Variants in COL15A1 observed in about 807,000 individuals in gnomAD.
The protein encoded by COL15A1 is collagen alpha-1(XV) chain.
In COL15A1, 111 loss-of-function variants were observed where a neutral mutation model predicts 165.9. The observed-to-expected ratio is 0.67, with a 90% CI of 0.57 to 0.78. The LOEUF is 0.78. COL15A1 is among the 30% of genes least tolerant of loss of function. The pLI is 0.00. For missense variants in COL15A1, 1,745 were observed against 1,789.7 expected (o/e 0.98, Z 0.45); for synonymous variants, 659 against 674.8 (o/e 0.98, Z 0.36).
chr9:98,986,039 A>G lies in COL15A1; in HGVS notation c.575A>G (p.Gln192Arg). The change falls in exon 3 of 42, where the codon CAG becomes CGG. Residue 192 changes from glutamine (Q) to arginine (R), a missense_variant. Physicochemically the swap from Gln to Arg is conservative, Grantham distance 43 (BLOSUM62 1). Coordinates refer to ENST00000375001, the MANE Select transcript of COL15A1 (RefSeq NM_001855.5). Reference sequence around the variant, plus strand: ...CGCATCCCCTTCCAGCGGTCCTCCCAGGCTTTGGCTTTTGAGTCCAGCGCT... The same window carrying G: ...CGCATCCCCTTCCAGCGGTCCTCCCGGGCTTTGGCTTTTGAGTCCAGCGCT... ...HSRIPFQRSS[Q>R]ALAFESSAGI... 6.2e-7 allele frequency: 1 copy of G among 1,614,066 alleles called. No individual in the cohort carries two copies. The highest frequency in any genetic ancestry group is 1.3e-5 in the African/African-American group (1 of 75,028).
At chr9:99,050,724 C>G (rs566926413) in intron 30 of COL15A1, among the ~76,000 whole-genome samples, 2 of 152,216 alleles carry the variant, frequency 1.3e-5, no homozygotes, top group African/African-American at 4.8e-5. Flanking sequence ...GTGAACTAGA[C>G]GGATGTGGCC....
At position 99,013,984 on chromosome 9, in the gene COL15A1, C is replaced by T. The variant is rs1186459165; in HGVS notation, c.1354-1433C>T. On this transcript the variant is annotated intron_variant, in intron 9 of 41. Coordinates refer to ENST00000375001, the MANE Select transcript of COL15A1 (RefSeq NM_001855.5). ...AAACGTGCATGTTGTGTTTTTTTTT[C>T]CCCTCTCTTGCAGCTGTGAGAAATT... is the stretch of plus-strand genomic sequence containing the variant. Among the ~76,000 whole-genome samples, 16 of 148,012 alleles carry T rather than the reference C, an allele frequency of 1.1e-4. No homozygotes were observed. In the South Asian group the frequency reaches 1.3e-3, roughly 12 times the overall value.
At chr9:99,051,520 C>T (rs3824512) in intron 30 of COL15A1, among the ~76,000 whole-genome samples, 2,087 of 152,288 alleles carry the variant, frequency 0.014, 93 homozygotes, top group South Asian at 0.12. Context: ...CCTTCCAACA[C>T]CCTAATCATT....
chr9:99,049,959 T>A (rs981131972), intron 30 of COL15A1, 64 bp downstream of exon 30: 11 of 1,605,076 alleles, frequency 6.9e-6, no homozygotes, highest in Non-Finnish European at 8.5e-6. Flanking sequence ...GAGAAAAAGA[T>A]CAGTCTTTGT....
chr9:98,956,333 AAAC>A (rs766950113), intron 2 of COL15A1, among the ~76,000 whole-genome samples: 16 of 152,110 alleles, frequency 1.1e-4, no homozygotes, highest in Non-Finnish European at 2.2e-4. Context: ...AAGAAACAAA[AAAC>A]AACAACAACC....
At position 99,015,525 on chromosome 9, in the gene COL15A1, C is replaced by G. The variant is rs149002114; in HGVS notation, c.1462C>G (p.Pro488Ala). 39 of 1,613,724 alleles carry G rather than the reference C, an allele frequency of 2.4e-5. 1 individual carries two copies. Among genetic ancestry groups the G allele is most frequent in the Non-Finnish European group, 3.1e-5 (36 of 1,179,924 alleles). ...TGGGGTCCCCACAGATGGCCTGGCT[C>G]CCCTCACAGCCACCATGGCCCCTGA... ...ASGVPTDGLA[P>A]LTATMAPERA... Residue 488 changes from proline (P) to alanine (A), a missense_variant, in exon 10 of 42, where the codon CCC becomes GCC. Coordinates refer to ENST00000375001, the MANE Select transcript of COL15A1 (RefSeq NM_001855.5).
chr9:98,975,187 C>A (rs559376542), intron 2 of COL15A1, among the ~76,000 whole-genome samples: 1 of 152,258 alleles, frequency 6.6e-6, no homozygotes. Flanking sequence ...GAGCGAGGAA[C>A]GCTCCTTAGC....
intron 21 of COL15A1, among the ~76,000 whole-genome samples, chr9:99,038,368 C>T (rs10988636): frequency 1.3e-5 from 2 of 152,342 alleles, no homozygotes; most frequent in East Asian, 3.9e-4. Context: ...CAAACACACA[C>T]ACCCCAACAC....
At chr9:99,047,720 C>T (rs1173436598) in intron 26 of COL15A1, 66 bp from the exon 27 acceptor site, 3 of 1,542,578 alleles carry the variant, frequency 1.9e-6, no homozygotes, top group Non-Finnish European at 2.7e-6. Flanking sequence ...AGCGGGCTTG[C>T]ACTCCTCATT....
intron 5 of COL15A1, 129 bp downstream of exon 5, chr9:98,989,387 T>C: frequency 1.4e-6 from 1 of 719,116 alleles, no homozygotes; most frequent in South Asian, 1.9e-5. Context: ...CGTTGACTCA[T>C]CTGGGGGGGT....
chr9:99,020,979 T>C (rs993568359), intron 12 of COL15A1, among the ~76,000 whole-genome samples: 1 of 152,250 alleles, frequency 6.6e-6, no homozygotes, highest in Non-Finnish European at 1.5e-5. Context: ...GGGATGTTTA[T>C]AGAAGTGCTT....
chr9:99,042,267 G>A (rs1047403232), intron 24 of COL15A1, among the ~76,000 whole-genome samples, 160 bp downstream of exon 24: 2 of 151,718 alleles, frequency 1.3e-5, no homozygotes, highest in African/African-American at 4.9e-5. Flanking sequence ...ATTTTTGGTG[G>A]GCTCATAAGG....
At chr9:99,030,527 A>G (rs1289358432) in intron 16 of COL15A1, among the ~76,000 whole-genome samples, 1 of 152,156 alleles carries the variant, frequency 6.6e-6, no homozygotes, top group East Asian at 1.9e-4. Flanking sequence ...CTGTGAGTCA[A>G]TGGAATGGAT....
chr9:99,035,471 A>G, intron 19 of COL15A1, 53 bp downstream of exon 19: 1 of 1,610,624 alleles, frequency 6.2e-7, no homozygotes, highest in Non-Finnish European at 8.5e-7. Flanking sequence ...GTCACACTAC[A>G]GTGAGGAAGC....
chr9:99,003,746 T>A (rs1838706370), intron 8 of COL15A1, among the ~76,000 whole-genome samples, 159 bp downstream of exon 8: 1 of 152,084 alleles, frequency 6.6e-6, no homozygotes, highest in Admixed American at 6.6e-5. Context: ...CATTGACCCA[T>A]TCAGTGGCGG....
chr9:99,025,392 A>G (rs546364392), intron 15 of COL15A1, among the ~76,000 whole-genome samples: 38 of 152,310 alleles, frequency 2.5e-4, no homozygotes, highest in African/African-American at 8.9e-4. Flanking sequence ...TTTGTGTTTG[A>G]TGACTTTGCC....
intron 35 of COL15A1, among the ~76,000 whole-genome samples, chr9:99,058,631 C>T (rs1158342538): frequency 2.6e-5 from 4 of 152,218 alleles, no homozygotes; most frequent in Admixed American, 1.3e-4. Flanking sequence ...TTACAAAACA[C>T]TTTCATGGCC....
intron 5 of COL15A1, among the ~76,000 whole-genome samples, chr9:98,995,497 C>G (rs1002984908): frequency 6.6e-6 from 1 of 152,188 alleles, no homozygotes; most frequent in Non-Finnish European, 1.5e-5. Context: ...CATTCTTCTC[C>G]CCACAGAACC....
chr9:99,022,031 A>G, intron 12 of COL15A1, 60 bp from the exon 13 acceptor site: 1 of 1,601,008 alleles, frequency 6.2e-7, no homozygotes, highest in Non-Finnish European at 8.6e-7. Context: ...TTCTACAGAA[A>G]GGTGGGGAGA....
Sources: gnomAD v4.1 joint callset for allele counts (sites outside exome capture counted in the v4.1 genomes callset) on GRCh38, gnomAD v4.1.1 for gene constraint, MANE v1.5 for transcripts, NCBI Gene and HGNC (gene_info 2026-07-23, HGNC 2026-07-21) for gene names.